SPATS2L: variants seen among roughly 807,000 people sequenced by gnomAD.
SPATS2L encodes spermatogenesis associated serine rich 2 like.
Under a neutral mutation model 59.6 loss-of-function variants are expected in SPATS2L, and 30 were observed. The observed-to-expected ratio is 0.50, with a 90% confidence interval of 0.38 to 0.68. SPATS2L has a LOEUF of 0.68. SPATS2L is among the 30% of genes least tolerant of loss of function. SPATS2L has a pLI of 0.00. For missense variants in SPATS2L, 615 were observed against 700.0 expected, an observed-to-expected ratio of 0.88 and a Z score of 1.37; for synonymous variants, 252 against 263.5, an observed-to-expected ratio of 0.96 and a Z score of 0.42.
intron 2 of SPATS2L, among the ~76,000 whole-genome samples, chr2:200,380,848 T>C (rs2081784789): frequency 6.6e-6 from 1 of 152,240 alleles, no homozygotes; most frequent in Non-Finnish European, 1.5e-5. Context: ...AATCTAAGTA[T>C]ATTCATATGA....
chr2:200,469,893 C>T (rs1192953231), intron 10 of SPATS2L, 21 bp from the exon 11 acceptor site: 3 of 1,588,060 alleles, frequency 1.9e-6, no homozygotes, highest in Middle Eastern at 1.7e-4. Flanking sequence ...GGGGTTCCTG[C>T]TTTTCATCTC....
At chr2:200,392,803 A>G (rs1223908131) in intron 3 of SPATS2L, among the ~76,000 whole-genome samples, 1 of 152,146 alleles carries the variant, frequency 6.6e-6, no homozygotes, top group Non-Finnish European at 1.5e-5. Context: ...CAGAATTAAC[A>G]CTGGGAGAAC....
chr2:200,404,146 A>T (rs541121948), intron 3 of SPATS2L, among the ~76,000 whole-genome samples: 1 of 152,116 alleles, frequency 6.6e-6, no homozygotes, highest in Non-Finnish European at 1.5e-5. Context: ...TCTCACTGCC[A>T]TCTCCTTCCC....
chr2:200,453,119 C>T (rs1392284066), intron 8 of SPATS2L, among the ~76,000 whole-genome samples: 1 of 152,126 alleles, frequency 6.6e-6, no homozygotes, highest in Non-Finnish European at 1.5e-5. Context: ...CTGGGGTAGA[C>T]TTCCAAGGAT....
In SPATS2L at chr2:200,463,476, G is replaced by T. The variant is rs544571460; in HGVS notation, c.847+3649G>T. 5.3e-5 allele frequency: 8 copies of T among 152,292 alleles called. No individual in the cohort carries two copies. The South Asian group carries it at 1.7e-3, about 32-fold the overall frequency. 9.4% of individuals were successfully genotyped at this position (152,292 alleles called of 1,614,324 possible). ...TTCCTGTAATTGCACAAAAGAGGAA[G>T]TATATTCTAGATGAAGAGATCTCAC... On this transcript the variant is annotated intron_variant, in intron 9 of 12. Coordinates refer to ENST00000409140, the MANE Select transcript of SPATS2L (RefSeq NM_001100423.2).
chr2:200,342,786 A>AAAT (rs2080376797), intron 2 of SPATS2L, among the ~76,000 whole-genome samples: 1 of 152,224 alleles, frequency 6.6e-6, no homozygotes, highest in African/African-American at 2.4e-5. Context: ...TAAGAACAAT[A>AAAT]TCCTTGCCAT....
At chr2:200,329,889 G>T (rs988158269) in intron 2 of SPATS2L, among the ~76,000 whole-genome samples, 1 of 152,040 alleles carries the variant, frequency 6.6e-6, no homozygotes, top group African/African-American at 2.4e-5. Flanking sequence ...CCTCCTCACA[G>T]TGATAGCCAC....
At chr2:200,440,844 A>C in intron 8 of SPATS2L, 60 bp downstream of exon 8, 2 of 1,561,306 alleles carry the variant, frequency 1.3e-6, no homozygotes, top group South Asian at 2.3e-5. Flanking sequence ...CAACAGGTAA[A>C]AGTATCAGAT....
chr2:200,322,962 C>G (rs1311124141), intron 1 of SPATS2L, among the ~76,000 whole-genome samples: 1 of 152,060 alleles, frequency 6.6e-6, no homozygotes, highest in Non-Finnish European at 1.5e-5. Context: ...TCATTTTTGT[C>G]TTAGGATTAT....
chr2:200,469,671 T>C (rs1415672435), intron 10 of SPATS2L: 15 of 445,280 alleles, frequency 3.4e-5, no homozygotes, highest in Non-Finnish European at 5.2e-5. Flanking sequence ...AGACACACAT[T>C]TCATGTAGGC....
At chr2:200,444,131 GA>G (rs1235529338) in intron 8 of SPATS2L, among the ~76,000 whole-genome samples, 6 of 152,158 alleles carry the variant, frequency 3.9e-5, no homozygotes, top group African/African-American at 1.4e-4. Context: ...GAACTAACAT[GA>G]AACAGCTGGT....
chr2:200,388,982 CTT>C (rs1215736776), intron 2 of SPATS2L, among the ~76,000 whole-genome samples: 1 of 152,102 alleles, frequency 6.6e-6, no homozygotes, highest in Non-Finnish European at 1.5e-5. Flanking sequence ...TCCCATCTGT[CTT>C]TGTCGTTTTT....
chr2:200,362,638 C>G (rs1010543963), intron 2 of SPATS2L, among the ~76,000 whole-genome samples: 1 of 152,128 alleles, frequency 6.6e-6, no homozygotes, highest in Non-Finnish European at 1.5e-5. Flanking sequence ...AAATTATGAC[C>G]TTTAGATGGG....
At chr2:200,410,913 AT>A (rs1221306614) in intron 3 of SPATS2L, among the ~76,000 whole-genome samples, 3 of 151,946 alleles carry the variant, frequency 2.0e-5, no homozygotes, top group Non-Finnish European at 4.4e-5. Context: ...AAGAACTTAG[AT>A]TTGAAGACGT....
intron 2 of SPATS2L, among the ~76,000 whole-genome samples, chr2:200,342,602 A>C (rs755466819): frequency 4.6e-5 from 7 of 152,252 alleles, no homozygotes; most frequent in Non-Finnish European, 7.3e-5. Flanking sequence ...GGGGAAGTGG[A>C]GAGCCAAAGG....
chr2:200,354,993 A>G (rs1053813198), intron 2 of SPATS2L, among the ~76,000 whole-genome samples: 10 of 151,790 alleles, frequency 6.6e-5, no homozygotes, highest in African/African-American at 2.2e-4. Flanking sequence ...TTTTTTTTTA[A>G]TTGTAGTAAA....
At chr2:200,449,447 G>C (rs1045882404) in intron 8 of SPATS2L, among the ~76,000 whole-genome samples, 5 of 152,212 alleles carry the variant, frequency 3.3e-5, no homozygotes, top group Non-Finnish European at 7.3e-5. Context: ...CTTCTTTGCA[G>C]AATAAAGGCC....
At position 200,306,774 on chromosome 2, in the gene SPATS2L, T is replaced by G; in HGVS notation, c.-221T>G. On this transcript the variant is annotated 5_prime_UTR_variant, in exon 1 of 13. Transcript: ENST00000409140. ...CAAGCGCCGGCAGCGCGGGGCGAGCTCCGGACGGCGCGCGGCCCAGGCAGC... is the reference window on the plus strand; with the variant it reads ...CAAGCGCCGGCAGCGCGGGGCGAGCGCCGGACGGCGCGCGGCCCAGGCAGC... 1 of 981,618 alleles carries G rather than the reference T, an allele frequency of 1.0e-6. No individual in the cohort carries two copies. The highest frequency in any genetic ancestry group is 1.2e-6 in the Non-Finnish European group (1 of 828,306). The allele number at this position is 981,618 out of a possible 1,614,324, so 60.8% of individuals were successfully genotyped here.
chr2:200,307,085 G>A (rs1302263646), intron 1 of SPATS2L, among the ~76,000 whole-genome samples, 163 bp downstream of exon 1: 1 of 150,594 alleles, frequency 6.6e-6, no homozygotes, highest in Non-Finnish European at 1.5e-5. Context: ...TGTGGCCCGC[G>A]CTCGGCGCCG....
Sources: gnomAD v4.1 joint callset for allele counts (sites outside exome capture counted in the v4.1 genomes callset) on GRCh38, gnomAD v4.1.1 for gene constraint, MANE v1.5 for transcripts, NCBI Gene and HGNC (gene_info 2026-07-23, HGNC 2026-07-21) for gene names.